IGSF21: variants seen among roughly 807,000 people sequenced by gnomAD.
The protein encoded by IGSF21 is immunoglobin superfamily member 21.
IGSF21 carries 28 observed loss-of-function variants against 46.8 expected under a neutral mutation model. That is an observed-to-expected ratio of 0.60 (90% CI 0.44 to 0.82). IGSF21 has a LOEUF of 0.82. IGSF21 is among the 40% of genes least tolerant of loss of function. The pLI, the probability that IGSF21 is intolerant of heterozygous loss-of-function variation, is 0.00. For synonymous variants in IGSF21, 284 were observed against 273.6 expected (o/e 1.04, Z -0.38); for missense variants, 624 against 665.5 (o/e 0.94, Z 0.69).
chr1:18,285,286 G>C (rs144463275), intron 2 of IGSF21, among the ~76,000 whole-genome samples: 65 of 152,074 alleles, frequency 4.3e-4, no homozygotes, highest in African/African-American at 1.4e-3. Context: ...AAACAGCCAG[G>C]CCGGTCAGCG....
Position 18,212,676 on chromosome 1 carries a change from G to A in IGSF21, c.71-15222G>A, listed in dbSNP as rs116066342. 2.8e-3 allele frequency among the ~76,000 whole-genome samples: 433 copies of A among 152,270 alleles called. 4 individuals carry two copies. The highest frequency in any genetic ancestry group is 9.4e-3 in the African/African-American group (391 of 41,564). On this transcript the variant is annotated intron_variant, in intron 1 of 9. Coordinates refer to ENST00000251296, the MANE Select transcript of IGSF21 (RefSeq NM_032880.5). ...CTGACTGCACCACCAGCCCAACCCAGGGGGGGTCCTGGCCCCTCTGCTCAA... is the reference window on the plus strand; with the variant it reads ...CTGACTGCACCACCAGCCCAACCCAAGGGGGGTCCTGGCCCCTCTGCTCAA...
intron 1 of IGSF21, among the ~76,000 whole-genome samples, chr1:18,214,479 G>T (rs7527636): frequency 0.98 from 149,289 of 152,326 alleles, 73,244 homozygotes; most frequent in East Asian, 1. Context: ...CGCAGCAAAA[G>T]TAGAGTTCAT....
chr1:18,232,718 C>A lies in IGSF21; in HGVS notation c.183+4708C>A, dbSNP rs1347074933. ...TGACTATCTGAAGAGCAAAGACTGTCTTTTCTCCTGCTGTATTCTTGACAC... is the reference window on the plus strand; with the variant it reads ...TGACTATCTGAAGAGCAAAGACTGTATTTTCTCCTGCTGTATTCTTGACAC... On this transcript the variant is annotated intron_variant, in intron 2 of 9. Coordinates refer to ENST00000251296, the MANE Select transcript of IGSF21 (RefSeq NM_032880.5). 2.0e-5 allele frequency among the ~76,000 whole-genome samples: 3 copies of A among 152,340 alleles called. No homozygotes were observed. The East Asian group carries it at 5.8e-4, about 29-fold the overall frequency.
chr1:18,374,667 TTTAA>T (rs1160029184), intron 6 of IGSF21, among the ~76,000 whole-genome samples: 1 of 152,034 alleles, frequency 6.6e-6, no homozygotes, highest in East Asian at 1.9e-4. Context: ...TTGCTTATGG[TTTAA>T]TTAATAGTCC....
intron 1 of IGSF21, among the ~76,000 whole-genome samples, chr1:18,191,733 G>A (rs956592813): frequency 3.3e-5 from 5 of 152,120 alleles, no homozygotes; most frequent in African/African-American, 4.8e-5. Flanking sequence ...GTTTCCCTGC[G>A]ATTTTCTTTT....
intron 3 of IGSF21, among the ~76,000 whole-genome samples, chr1:18,326,387 A>G (rs1023038701): frequency 6.6e-6 from 1 of 152,202 alleles, no homozygotes; most frequent in Non-Finnish European, 1.5e-5. Flanking sequence ...GAGCCCAGGC[A>G]GGCACTTGGC....
At chr1:18,124,116 A>T (rs2086256461) in intron 1 of IGSF21, among the ~76,000 whole-genome samples, 1 of 152,218 alleles carries the variant, frequency 6.6e-6, no homozygotes, top group Non-Finnish European at 1.5e-5. Context: ...CAGCTGCGAC[A>T]GCCACACTAG....
At chr1:18,188,719 C>T (rs1001841219) in intron 1 of IGSF21, among the ~76,000 whole-genome samples, 15 of 152,096 alleles carry the variant, frequency 9.9e-5, no homozygotes, top group African/African-American at 3.6e-4. Flanking sequence ...TCCTCTAGCT[C>T]CCAAGAGGAA....
chr1:18,338,751 G>T (rs2085797892), intron 4 of IGSF21, among the ~76,000 whole-genome samples: 1 of 152,170 alleles, frequency 6.6e-6, no homozygotes, highest in Admixed American at 6.5e-5. Flanking sequence ...TGACACCAAG[G>T]GTGTATGCTG....
At chr1:18,336,548 ACTCCAAGGCCAG>A (rs1287615129) in intron 4 of IGSF21, among the ~76,000 whole-genome samples, 5 of 152,110 alleles carry the variant, frequency 3.3e-5, no homozygotes, top group Non-Finnish European at 7.4e-5. Context: ...AGGCATCTTG[ACTCCAAGGCCAG>A]CTCTGTCGCA....
intron 2 of IGSF21, among the ~76,000 whole-genome samples, chr1:18,273,062 T>TTTTTTTTTTTTTC (rs2085058725): frequency 6.7e-6 from 1 of 148,416 alleles, no homozygotes; most frequent in Non-Finnish European, 1.5e-5. Flanking sequence ...TTTTTTTTTT[T>TTTTTTTTTTTTTC]TTAGATGGAG....
At chr1:18,176,175 C>G (rs2086794415) in intron 1 of IGSF21, 1 of 152,218 alleles carries the variant, frequency 6.6e-6, no homozygotes, top group Admixed American at 6.5e-5. Context: ...TCGGCTCTGC[C>G]TGCAGGGTGA....
chr1:18,125,526 GC>G (rs2086267695), intron 1 of IGSF21, among the ~76,000 whole-genome samples: 1 of 152,196 alleles, frequency 6.6e-6, no homozygotes, highest in South Asian at 2.1e-4. Flanking sequence ...ATTAAAGCTG[GC>G]AGAGCCATAC....
At chr1:18,359,200 C>T (rs1478531356) in intron 4 of IGSF21, among the ~76,000 whole-genome samples, 1 of 151,178 alleles carries the variant, frequency 6.6e-6, no homozygotes, top group African/African-American at 2.4e-5. Context: ...ATCACTTGAG[C>T]CCAGGAGGTC....
intron 1 of IGSF21, chr1:18,113,332 T>C (rs774476348): frequency 6.6e-6 from 1 of 152,098 alleles, no homozygotes; most frequent in Admixed American, 6.5e-5. Context: ...TCATGTTCAC[T>C]AAGACCCCCG....
At chr1:18,266,744 A>G (rs1045689719) in intron 2 of IGSF21, among the ~76,000 whole-genome samples, 25 of 152,340 alleles carry the variant, frequency 1.6e-4, no homozygotes, top group South Asian at 4.1e-4. Context: ...TTTTAGTGAG[A>G]AACGCTGAGT....
At chr1:18,164,959 C>T (rs2086664685) in intron 1 of IGSF21, among the ~76,000 whole-genome samples, 1 of 142,930 alleles carries the variant, frequency 7.0e-6, no homozygotes. Flanking sequence ...TGTTCAATTC[C>T]CACCTGTGAG....
At chr1:18,253,367 C>G (rs914633430) in intron 2 of IGSF21, among the ~76,000 whole-genome samples, 3 of 152,314 alleles carry the variant, frequency 2.0e-5, no homozygotes, top group Non-Finnish European at 4.4e-5. Context: ...ATCAAATTCA[C>G]TGGGAGCAGG....
chr1:18,147,050 C>T (rs908824083), intron 1 of IGSF21, among the ~76,000 whole-genome samples: 6 of 152,186 alleles, frequency 3.9e-5, no homozygotes, highest in South Asian at 2.1e-4. Context: ...ATCTGGATGA[C>T]GCTTCCCTCT....
Sources: allele counts gnomAD v4.1 joint callset (sites outside exome capture counted in the v4.1 genomes callset), GRCh38; gene constraint gnomAD v4.1.1; transcripts MANE v1.5; gene names NCBI Gene and HGNC (gene_info 2026-07-23, HGNC 2026-07-21).